The following PIK3C2A variants were observed in gnomAD, a reference collection of about 807,000 sequenced individuals.
The protein encoded by PIK3C2A is phosphatidylinositol-4-phosphate 3-kinase catalytic subunit type 2 alpha.
Under a neutral mutation model 204.5 loss-of-function variants are expected in PIK3C2A, and 97 were observed. The observed-to-expected ratio is 0.47, with a 90% confidence interval of 0.40 to 0.56. PIK3C2A has a LOEUF of 0.56. PIK3C2A is among the 20% of genes least tolerant of loss of function. PIK3C2A has a pLI of 0.00. For synonymous variants in PIK3C2A, 653 were observed against 664.4 expected (o/e 0.98, Z 0.26); for missense variants, 1,735 against 1,969.2 (o/e 0.88, Z 2.25).
intron 12 of PIK3C2A, among the ~76,000 whole-genome samples, 166 bp downstream of exon 12, chr11:17,131,750 A>G (rs921848997): frequency 5.3e-5 from 8 of 152,166 alleles, no homozygotes; most frequent in Admixed American, 6.5e-5. Context: ...TGAGAATTTC[A>G]GTCTGTTCTA....
chr11:17,179,511 T>G (rs1340112284), intron 1 of PIK3C2A, among the ~76,000 whole-genome samples: 1 of 152,164 alleles, frequency 6.6e-6, no homozygotes, highest in Non-Finnish European at 1.5e-5. Context: ...TTTTAATTTT[T>G]AAAGTACATA....
At chr11:17,143,090 C>T (rs1237831710) in intron 8 of PIK3C2A, among the ~76,000 whole-genome samples, 1 of 151,838 alleles carries the variant, frequency 6.6e-6, no homozygotes, top group Non-Finnish European at 1.5e-5. Context: ...AGCCTGGACA[C>T]TCCATACGAA....
At chr11:17,103,293 T>C (rs1590907856) in intron 23 of PIK3C2A, among the ~76,000 whole-genome samples, 1 of 152,008 alleles carries the variant, frequency 6.6e-6, no homozygotes, top group South Asian at 2.1e-4. Context: ...ATACAAGTAA[T>C]GTGTTTTGTT....
At chr11:17,198,348 G>A (rs1050100956) in intron 1 of PIK3C2A, among the ~76,000 whole-genome samples, 9 of 123,958 alleles carry the variant, frequency 7.3e-5, no homozygotes, top group Non-Finnish European at 1.2e-4. Flanking sequence ...GACCTCAGGT[G>A]ATCCACCCAC....
At chr11:17,102,234 A>C (rs1046136896) in intron 24 of PIK3C2A, among the ~76,000 whole-genome samples, 1 of 152,120 alleles carries the variant, frequency 6.6e-6, no homozygotes, top group African/African-American at 2.4e-5. Flanking sequence ...CAGGAGATCG[A>C]GACCATCCTG....
At chr11:17,118,554 T>C (rs1849276994) in intron 18 of PIK3C2A, 91 bp downstream of exon 18, 4 of 653,922 alleles carry the variant, frequency 6.1e-6, no homozygotes, top group South Asian at 4.0e-5. Context: ...CCACAATAAG[T>C]AGTGTGGCAT....
chr11:17,130,902 T>C (rs933952688), intron 12 of PIK3C2A, among the ~76,000 whole-genome samples: 26 of 151,798 alleles, frequency 1.7e-4, no homozygotes, highest in African/African-American at 6.3e-4. Flanking sequence ...TAATGTTTTT[T>C]TCGGCTAGAC....
In PIK3C2A at chr11:17,089,626, T is replaced by C; in HGVS notation, c.*112A>G. 1 of 664,660 alleles carries C rather than the reference T, an allele frequency of 1.5e-6. No homozygotes were observed. The highest frequency in any genetic ancestry group is 3.8e-4 in the Middle Eastern group (1 of 2,648). The allele number at this position is 664,660 out of a possible 1,614,324, so 41.2% of individuals were successfully genotyped here. The stretch of plus-strand genomic sequence containing the variant: ...TAACTTTATAAGTTCTGTCCAAGTA[T>C]AAAAATACTATACAAAATTAACAAG... On this transcript the variant is annotated 3_prime_UTR_variant, in exon 33 of 33. Coordinates refer to ENST00000691414, the MANE Select transcript of PIK3C2A (RefSeq NM_002645.4).
chr11:17,110,642 A>T, intron 21 of PIK3C2A, 81 bp from the exon 22 acceptor site: 1 of 1,336,300 alleles, frequency 7.5e-7, no homozygotes, highest in Non-Finnish European at 1.0e-6. Flanking sequence ...CTGTAATCCC[A>T]GCACTTTGGG....
At chr11:17,150,133 A>G (rs1850380033) in intron 4 of PIK3C2A, among the ~76,000 whole-genome samples, 1 of 152,228 alleles carries the variant, frequency 6.6e-6, no homozygotes, top group African/African-American at 2.4e-5. Flanking sequence ...TATCTTCTCC[A>G]CAGAAGAACT....
At chr11:17,190,328 A>G (rs1222060618) in intron 1 of PIK3C2A, among the ~76,000 whole-genome samples, 2 of 152,120 alleles carry the variant, frequency 1.3e-5, no homozygotes, top group Non-Finnish European at 2.9e-5. Context: ...CTGTAATCCC[A>G]GAACTCTGGG....
chr11:17,162,346 AAAAAACAAAAAC>A (rs1176012989), intron 2 of PIK3C2A, among the ~76,000 whole-genome samples: 3 of 151,908 alleles, frequency 2.0e-5, no homozygotes, highest in Admixed American at 6.6e-5. Flanking sequence ...ATCTAAAAAA[AAAAAACAAAAAC>A]AAAAACAAAA....
At chr11:17,193,847 A>AAAAAGAAAAGAAAAG (rs71047536) in intron 1 of PIK3C2A, 1,058 of 66,296 alleles carry the variant, frequency 0.016, 124 homozygotes, top group Admixed American at 0.036. Context: ...TCTGTCTCAA[A>AAAAAGAAAAGAAAAG]AAAAGAAAAG....
intron 28 of PIK3C2A, among the ~76,000 whole-genome samples, chr11:17,093,450 G>T (rs1186216092): frequency 1.3e-5 from 2 of 151,834 alleles, no homozygotes; most frequent in African/African-American, 2.4e-5. Context: ...GTATTTTTTA[G>T]AAGAGACGGT....
intron 21 of PIK3C2A, among the ~76,000 whole-genome samples, chr11:17,110,954 C>T (rs1184711886): frequency 1.3e-5 from 2 of 152,060 alleles, no homozygotes; most frequent in African/African-American, 4.8e-5. Context: ...ATCACCCAGG[C>T]TGGAGTGCAG....
At chr11:17,132,377 C>T (rs1260218709) in intron 11 of PIK3C2A, among the ~76,000 whole-genome samples, 7 of 134,180 alleles carry the variant, frequency 5.2e-5, no homozygotes, top group African/African-American at 1.7e-4. Flanking sequence ...GGACGGACTG[C>T]GGACTGCAGT....
chr11:17,177,529 T>C (rs1851375999), intron 1 of PIK3C2A, among the ~76,000 whole-genome samples: 1 of 151,974 alleles, frequency 6.6e-6, no homozygotes, highest in Non-Finnish European at 1.5e-5. Context: ...ACAAGTGGGG[T>C]GGGGGAGCAG....
chr11:17,207,536 C>T (rs1852628750), intron 1 of PIK3C2A, among the ~76,000 whole-genome samples: 1 of 152,164 alleles, frequency 6.6e-6, no homozygotes, highest in African/African-American at 2.4e-5. Flanking sequence ...GGGGGCCTGC[C>T]CTCCTTCTGT....
intron 1 of PIK3C2A, among the ~76,000 whole-genome samples, chr11:17,175,755 AG>A (rs897658267): frequency 1.1e-4 from 17 of 152,194 alleles, no homozygotes; most frequent in African/African-American, 3.9e-4. Context: ...CCAAAACAGA[AG>A]AATTAATTTA....
Sources: allele counts gnomAD v4.1 joint callset (sites outside exome capture counted in the v4.1 genomes callset), GRCh38; gene constraint gnomAD v4.1.1; transcripts MANE v1.5; gene names NCBI Gene and HGNC (gene_info 2026-07-23, HGNC 2026-07-21).